Variants in MPPED2 observed in about 807,000 individuals in gnomAD.
MPPED2 encodes the protein metallophosphoesterase MPPED2.
Under a neutral mutation model 33.0 loss-of-function variants are expected in MPPED2, and 5 were observed. The ratio of observed to expected loss-of-function variants is 0.15; its 90% confidence interval spans 0.08 to 0.32. The LOEUF (loss-of-function observed/expected upper bound fraction) is 0.32, where lower values mean the gene tolerates loss of function less well. Among genes scored for constraint, MPPED2 ranks in the 10% least tolerant of loss-of-function variants. MPPED2 has a pLI of 1.00. For synonymous variants in MPPED2, 136 were observed against 141.9 expected (o/e 0.96, Z 0.29); for missense variants, 275 against 372.1 (o/e 0.74, Z 2.15).
chr11:30,509,477 T>C (rs1415313868), intron 3 of MPPED2, among the ~76,000 whole-genome samples: 3 of 152,190 alleles, frequency 2.0e-5, no homozygotes, highest in Non-Finnish European at 4.4e-5. Flanking sequence ...TATTTCTTCA[T>C]TGTATCCCTT....
intron 4 of MPPED2, among the ~76,000 whole-genome samples, chr11:30,463,229 A>C (rs1272812292): frequency 6.6e-6 from 1 of 152,216 alleles, no homozygotes; most frequent in Non-Finnish European, 1.5e-5. Context: ...AAGAAAATAA[A>C]CACCAAATGA....
intron 4 of MPPED2, among the ~76,000 whole-genome samples, chr11:30,461,594 G>A (rs1950520471): frequency 6.6e-6 from 1 of 152,144 alleles, no homozygotes. Flanking sequence ...CCCAAAGACT[G>A]TCAGGCCTGT....
chr11:30,490,734 C>A (rs1165150016), intron 4 of MPPED2, among the ~76,000 whole-genome samples: 1 of 152,158 alleles, frequency 6.6e-6, no homozygotes, highest in Non-Finnish European at 1.5e-5. Flanking sequence ...TCCTGTTAAA[C>A]TGTAAATTAG....
intron 4 of MPPED2, among the ~76,000 whole-genome samples, chr11:30,439,227 T>A (rs1183945171): frequency 6.6e-6 from 1 of 152,190 alleles, no homozygotes; most frequent in African/African-American, 2.4e-5. Flanking sequence ...AGTCACTAAT[T>A]ATATGGCAAT....
intron 4 of MPPED2, among the ~76,000 whole-genome samples, chr11:30,483,953 A>T (rs991445839): frequency 6.6e-6 from 1 of 152,216 alleles, no homozygotes; most frequent in Admixed American, 6.5e-5. Context: ...GTAGTTCTAT[A>T]TGCAATCATT....
chr11:30,501,064 A>G (rs1216525895), intron 3 of MPPED2, among the ~76,000 whole-genome samples: 1 of 152,248 alleles, frequency 6.6e-6, no homozygotes, highest in Non-Finnish European at 1.5e-5. Context: ...GGGTAAAAAT[A>G]AAATACTGCT....
At chr11:30,395,269 A>G (rs1433757599) in intron 6 of MPPED2, among the ~76,000 whole-genome samples, 1 of 152,196 alleles carries the variant, frequency 6.6e-6, no homozygotes, top group Non-Finnish European at 1.5e-5. Context: ...TTACAGTATC[A>G]TTTAGTTTTT....
At chr11:30,434,053 C>T (rs1489980642) in intron 4 of MPPED2, among the ~76,000 whole-genome samples, 2 of 152,164 alleles carry the variant, frequency 1.3e-5, no homozygotes, top group Non-Finnish European at 2.9e-5. Context: ...TCTGACCCTC[C>T]AGCCTCCCGG....
chr11:30,488,266 A>T (rs1951828447), intron 4 of MPPED2, among the ~76,000 whole-genome samples: 2 of 152,236 alleles, frequency 1.3e-5, no homozygotes, highest in South Asian at 4.1e-4. Context: ...AATACATATG[A>T]AAGTTCTCTG....
At chr11:30,517,266 G>T (rs1421666626) in intron 3 of MPPED2, among the ~76,000 whole-genome samples, 3 of 152,100 alleles carry the variant, frequency 2.0e-5, no homozygotes, top group Non-Finnish European at 4.4e-5. Context: ...GACTGGGAAG[G>T]CAGGGCACAG....
At chr11:30,462,417 T>C (rs1239186628) in intron 4 of MPPED2, among the ~76,000 whole-genome samples, 1 of 152,096 alleles carries the variant, frequency 6.6e-6, no homozygotes, top group Non-Finnish European at 1.5e-5. Context: ...ATAATAGACT[T>C]CAATACACGC....
At chr11:30,493,946 C>T (rs576745805) in intron 4 of MPPED2, among the ~76,000 whole-genome samples, 1 of 152,302 alleles carries the variant, frequency 6.6e-6, no homozygotes, top group East Asian at 1.9e-4. Context: ...AAGATTGACA[C>T]GCTTCTTGTC....
exon 7 of MPPED2, chr11:30,385,020 AG>A (rs932703382): frequency 9.2e-5 from 14 of 152,192 alleles, no homozygotes; most frequent in African/African-American, 2.7e-4. Context: ...TTTATAACAT[AG>A]GGGGTGAGAG....
chr11:30,409,570 A>G (rs1948040586), downstream of MPPED2, among the ~76,000 whole-genome samples: 1 of 152,194 alleles, frequency 6.6e-6, no homozygotes, highest in South Asian at 2.1e-4. Context: ...GCTGGTACTG[A>G]AATCAAGAAC....
rs949144159 is a variant in MPPED2 at position 30,580,294 on chromosome 11, G to A, written c.80C>T (p.Thr27Met). The A allele has an allele frequency of 4.3e-6, 7 of 1,613,854 alleles. No individual in the cohort carries two copies. The highest frequency in any genetic ancestry group is 2.2e-5 in the East Asian group (1 of 44,882). ...EYSSNPTQAF[T>M]HYNINQSRFQ... ...TCTGCTCTGGTTGATGTTGTAGTGC[G>A]TGAATGCCTGGGTGGGGTTTGAGCT... Residue 27 changes from threonine (T) to methionine (M), a missense_variant, in exon 2 of 7, where the codon ACG becomes ATG. Thr to Met is a moderately conservative substitution (Grantham distance 81). Coordinates refer to ENST00000358117, the MANE Select transcript of MPPED2 (RefSeq NM_001584.3).
At chr11:30,560,844 T>C (rs934565651) in intron 2 of MPPED2, among the ~76,000 whole-genome samples, 3 of 151,654 alleles carry the variant, frequency 2.0e-5, no homozygotes, top group Non-Finnish European at 4.4e-5. Flanking sequence ...AAAATCATGC[T>C]ACCCCCCACC....
At chr11:30,504,619 G>A (rs533977496) in intron 3 of MPPED2, 14 of 444,836 alleles carry the variant, frequency 3.1e-5, no homozygotes, top group African/African-American at 2.7e-4. Context: ...ACTTGACTCA[G>A]CTACAAAACC....
At chr11:30,467,861 G>A (rs1950779234) in intron 4 of MPPED2, among the ~76,000 whole-genome samples, 1 of 152,130 alleles carries the variant, frequency 6.6e-6, no homozygotes, top group Non-Finnish European at 1.5e-5. Flanking sequence ...TGGAACTGTT[G>A]GGGGTAGGAG....
chr11:30,562,648 G>A (rs370012214), intron 2 of MPPED2, among the ~76,000 whole-genome samples: 6 of 151,962 alleles, frequency 3.9e-5, no homozygotes, highest in East Asian at 3.9e-4. Context: ...AGTTCCTTAG[G>A]CACCTACAGC....
Sources: allele counts gnomAD v4.1 joint callset (sites outside exome capture counted in the v4.1 genomes callset), GRCh38; gene constraint gnomAD v4.1.1; transcripts MANE v1.5; gene names NCBI Gene and HGNC (gene_info 2026-07-23, HGNC 2026-07-21).